The following PIK3CB variants were observed in gnomAD, a reference collection of about 807,000 sequenced individuals.
The protein encoded by PIK3CB is phosphatidylinositol 4,5-bisphosphate 3-kinase catalytic subunit beta isoform.
A neutral mutation model predicts 136.8 loss-of-function variants in PIK3CB; 39 were observed. The ratio of observed to expected loss-of-function variants is 0.29; its 90% CI spans 0.22 to 0.37. PIK3CB has a LOEUF of 0.37. Ranked by LOEUF, PIK3CB falls within the 10% of genes least tolerant of loss-of-function variation. PIK3CB has a pLI of 1.00. For missense variants in PIK3CB, 868 were observed against 1,275.4 expected, an observed-to-expected ratio of 0.68 and a Z score of 4.87; for synonymous variants, 428 against 436.6, an observed-to-expected ratio of 0.98 and a Z score of 0.25.
chr3:138,669,104 T>G (rs1016927326), intron 19 of PIK3CB, among the ~76,000 whole-genome samples: 2 of 152,116 alleles, frequency 1.3e-5, no homozygotes, highest in African/African-American at 4.8e-5. Flanking sequence ...AAATAACTTT[T>G]GTATAGGTCT....
intron 8 of PIK3CB, among the ~76,000 whole-genome samples, chr3:138,718,061 T>C (rs376435371): frequency 1.3e-5 from 2 of 152,208 alleles, no homozygotes; most frequent in Non-Finnish European, 2.9e-5. Flanking sequence ...AGTAATAGGA[T>C]TGATGGGTCA....
intron 2 of PIK3CB, among the ~76,000 whole-genome samples, chr3:138,775,444 G>A (rs570493562): frequency 6.6e-6 from 1 of 152,244 alleles, no homozygotes; most frequent in East Asian, 1.9e-4. Flanking sequence ...GACTAGCGGA[G>A]GCATGTCTGT....
At chr3:138,657,900 C>T in intron 21 of PIK3CB, 65 bp from the exon 22 acceptor site, 2 of 1,484,866 alleles carry the variant, frequency 1.3e-6, no homozygotes, top group South Asian at 2.5e-5. Flanking sequence ...AAAGGCAAAA[C>T]CTCCATAGTC....
chr3:138,740,823 T>G (rs1319036139), intron 5 of PIK3CB, among the ~76,000 whole-genome samples: 1 of 152,104 alleles, frequency 6.6e-6, no homozygotes, highest in Non-Finnish European at 1.5e-5. Context: ...CAGGTAATTT[T>G]TGTACAGATG....
At chr3:138,698,716 A>C (rs550079603) in intron 13 of PIK3CB, among the ~76,000 whole-genome samples, 191 bp downstream of exon 13, 1 of 152,338 alleles carries the variant, frequency 6.6e-6, no homozygotes, top group South Asian at 2.1e-4. Context: ...AATCCTACCC[A>C]AAATCTGAGA....
chr3:138,807,763 G>A (rs562343193), intron 1 of PIK3CB, among the ~76,000 whole-genome samples: 1 of 152,072 alleles, frequency 6.6e-6, no homozygotes, highest in African/African-American at 2.4e-5. Context: ...ACATGGTGGT[G>A]GCACTTATAG....
intron 2 of PIK3CB, among the ~76,000 whole-genome samples, chr3:138,785,047 C>T (rs529314892): frequency 1.8e-3 from 277 of 152,230 alleles, no homozygotes; most frequent in African/African-American, 6.4e-3. Flanking sequence ...GCAGCCGCCC[C>T]GTCTGGGAAG....
chr3:138,666,364 A>C (rs1355617087), intron 19 of PIK3CB, among the ~76,000 whole-genome samples: 1 of 151,938 alleles, frequency 6.6e-6, no homozygotes, highest in East Asian at 1.9e-4. Context: ...TTTTTTGTAG[A>C]GATGAGGTCT....
At chr3:138,743,614 G>A (rs893948993) in intron 4 of PIK3CB, among the ~76,000 whole-genome samples, 1 of 152,140 alleles carries the variant, frequency 6.6e-6, no homozygotes, top group African/African-American at 2.4e-5. Flanking sequence ...CCAGGCTGGA[G>A]TGCAGTGGTG....
chr3:138,776,922 CAAA>C (rs11435742), intron 2 of PIK3CB, among the ~76,000 whole-genome samples: 11 of 57,396 alleles, frequency 1.9e-4, no homozygotes, highest in Non-Finnish European at 3.6e-5. Context: ...GACTCTACCT[CAAA>C]AAAAAAAAAA....
At chr3:138,789,287 G>A (rs1402830318) in intron 2 of PIK3CB, among the ~76,000 whole-genome samples, 1 of 152,010 alleles carries the variant, frequency 6.6e-6, no homozygotes, top group Non-Finnish European at 1.5e-5. Context: ...GCGAAACACT[G>A]TCTCTAATAA....
chr3:138,781,126 C>CA (rs951003715), intron 2 of PIK3CB, among the ~76,000 whole-genome samples: 12 of 151,792 alleles, frequency 7.9e-5, no homozygotes, highest in African/African-American at 2.7e-4. Flanking sequence ...CTCATCTCTA[C>CA]AAAAAAATAA....
At chr3:138,801,153 TAGGCAC>T (rs1037674982) in intron 1 of PIK3CB, among the ~76,000 whole-genome samples, 1 of 152,104 alleles carries the variant, frequency 6.6e-6, no homozygotes, top group Non-Finnish European at 1.5e-5. Context: ...CAAAATTCTC[TAGGCAC>T]AGTAAAAATG....
In PIK3CB at chr3:138,709,527, C is replaced by T. The variant is rs180963898; in HGVS notation, c.1400-2238G>A. ...GAAAGTTAGGAAAAAAAATAATAAA[C>T]GTGATTGTATACCTTGTAATGATGA... On this transcript the variant is annotated intron_variant, in intron 10 of 23. Coordinates refer to ENST00000674063, the MANE Select transcript of PIK3CB (RefSeq NM_006219.3). 1.4e-4 allele frequency among the ~76,000 whole-genome samples: 21 copies of T among 152,196 alleles called. No individual in the cohort carries two copies. The South Asian group carries it at 1.5e-3, about 11-fold the overall frequency.
intron 5 of PIK3CB, among the ~76,000 whole-genome samples, chr3:138,738,947 C>A: frequency 6.6e-6 from 1 of 152,158 alleles, no homozygotes. Flanking sequence ...TACTATTTCA[C>A]ATCTATTTTT....
intron 1 of PIK3CB, among the ~76,000 whole-genome samples, chr3:138,804,794 G>A: frequency 6.6e-6 from 1 of 152,176 alleles, no homozygotes; most frequent in East Asian, 1.9e-4. Flanking sequence ...GGAGGCCAAG[G>A]TGGGCGGATC....
intron 4 of PIK3CB, among the ~76,000 whole-genome samples, chr3:138,749,545 C>T (rs1008005206): frequency 5.3e-5 from 8 of 152,166 alleles, no homozygotes; most frequent in Non-Finnish European, 7.4e-5. Context: ...TTTTACATGG[C>T]CTGGATGGCA....
intron 8 of PIK3CB, among the ~76,000 whole-genome samples, chr3:138,719,706 GCC>G (rs143800587): frequency 0.035 from 5,297 of 152,170 alleles, 311 homozygotes; most frequent in African/African-American, 0.12. Flanking sequence ...TTAAGAAACA[GCC>G]CCATCATCAA....
chr3:138,753,246 C>T (rs1211577080), intron 4 of PIK3CB, among the ~76,000 whole-genome samples: 3 of 151,864 alleles, frequency 2.0e-5, no homozygotes, highest in Admixed American at 6.6e-5. Flanking sequence ...AACAGCTGGG[C>T]GCAGTGGTTC....
Sources: allele counts gnomAD v4.1 joint callset (sites outside exome capture counted in the v4.1 genomes callset), GRCh38; gene constraint gnomAD v4.1.1; transcripts MANE v1.5; gene names NCBI Gene and HGNC (gene_info 2026-07-23, HGNC 2026-07-21).